PLIN3: variants seen among roughly 807,000 people sequenced by gnomAD.
PLIN3 encodes perilipin-3.
PLIN3 carries 30 observed loss-of-function variants against 35.9 expected under a neutral mutation model. The ratio of observed to expected loss-of-function variants is 0.84; its 90% confidence interval spans 0.62 to 1.13. The LOEUF (loss-of-function observed/expected upper bound fraction) is 1.13, where lower values mean the gene tolerates loss of function less well. Ranked by LOEUF, PLIN3 falls within the 50% of genes most tolerant of loss-of-function variation. The pLI is 0.00. For missense variants in PLIN3, 603 were observed against 596.9 expected, an observed-to-expected ratio of 1.01 and a Z score of -0.11; for synonymous variants, 261 against 262.5, an observed-to-expected ratio of 0.99 and a Z score of 0.06.
chr19:4,844,797 G>C lies in PLIN3; in HGVS notation c.835-4C>G. On this transcript the variant is annotated splice_region_variant and splice_polypyrimidine_tract_variant and intron_variant, in intron 6 of 7. Transcript: ENST00000221957. ...CGCCTTGCTTGACAGTTTCCATCTG[G>C]GGCAGGGGAGAGAGAAGTGAGGGAA... 6.3e-7 allele frequency: 1 copy of C among 1,591,714 alleles called. No individual in the cohort carries two copies. The highest frequency in any genetic ancestry group is 1.1e-5 in the South Asian group (1 of 87,776).
chr19:4,848,290 T>C (rs1033091336), intron 5 of PLIN3, among the ~76,000 whole-genome samples: 1 of 152,152 alleles, frequency 6.6e-6, no homozygotes, highest in Non-Finnish European at 1.5e-5. Flanking sequence ...GGCCATGCTG[T>C]CCAGTTTATA....
chr19:4,848,546 A>G (rs2030182550), intron 5 of PLIN3, among the ~76,000 whole-genome samples: 1 of 152,204 alleles, frequency 6.6e-6, no homozygotes, highest in African/African-American at 2.4e-5. Context: ...GCAATACATC[A>G]CATATACTAC....
intron 4 of PLIN3, 24 bp downstream of exon 4, chr19:4,859,566 G>A (rs969335904): frequency 3.1e-6 from 5 of 1,604,688 alleles, no homozygotes; most frequent in Middle Eastern, 1.7e-4. Context: ...TCTCGACAGA[G>A]CCCCTGAGGA....
At chr19:4,866,643 T>C (rs1045078494) in intron 1 of PLIN3, 8 of 152,232 alleles carry the variant, frequency 5.3e-5, no homozygotes, top group African/African-American at 1.9e-4. Context: ...CTCCCAGTGA[T>C]CATTGCCTAA....
intron 6 of PLIN3, among the ~76,000 whole-genome samples, chr19:4,845,804 G>A (rs909978891): frequency 6.6e-6 from 1 of 150,722 alleles, no homozygotes; most frequent in Non-Finnish European, 1.5e-5. Context: ...GGCGCCTGTA[G>A]TCCCAGCTAC....
chr19:4,838,712 GA>G lies in PLIN3; in HGVS notation c.*479del, dbSNP rs2093623948. ...TCTCTTGCCTCAGCCTCCTAACTGG[GA>G]TAACAGACACCTGCTACCATGCCCG... On this transcript the variant is annotated 3_prime_UTR_variant, in exon 8 of 8. Transcript: ENST00000221957. 6.6e-6 allele frequency: 1 copy of G among 151,692 alleles called. No individual in the cohort carries two copies. The highest frequency in any genetic ancestry group is 2.1e-4 in the South Asian group (1 of 4,814). 9.4% of individuals were successfully genotyped at this position (151,692 alleles called of 1,614,324 possible).
chr19:4,864,106 T>C (rs1021939506), intron 1 of PLIN3, among the ~76,000 whole-genome samples: 2 of 4,194 alleles, frequency 4.8e-4, no homozygotes, highest in Admixed American at 2.9e-3. Flanking sequence ...CTAGTGTGTG[T>C]GTGTGTGTGT....
intron 4 of PLIN3, 118 bp downstream of exon 4, chr19:4,859,472 G>C: frequency 1.2e-6 from 1 of 864,694 alleles, no homozygotes; most frequent in Non-Finnish European, 2.0e-6. Context: ...GATGGGAACC[G>C]ACAGGAGAGG....
chr19:4,865,763 G>T (rs1350998936), intron 1 of PLIN3, among the ~76,000 whole-genome samples: 4 of 132,652 alleles, frequency 3.0e-5, no homozygotes, highest in African/African-American at 5.7e-5. Context: ...TCGCCCTGTC[G>T]CCCACGCTGG....
intron 7 of PLIN3, among the ~76,000 whole-genome samples, chr19:4,842,292 G>A (rs1289189093): frequency 6.6e-6 from 1 of 151,928 alleles, no homozygotes; most frequent in East Asian, 1.9e-4. Flanking sequence ...AGCTGGGTGT[G>A]GTTGCAGGCG....
intron 1 of PLIN3, among the ~76,000 whole-genome samples, chr19:4,862,535 CAT>C (rs2030710602): frequency 6.6e-6 from 1 of 152,088 alleles, no homozygotes; most frequent in Admixed American, 6.6e-5. Flanking sequence ...AGTGAGCCAC[CAT>C]GCCCGGCCCT....
chr19:4,839,335 C>T lies in PLIN3; in HGVS notation c.1162G>A (p.Ala388Thr). The change falls in exon 8 of 8, where the codon GCC (alanine) becomes ACC (threonine). Residue 388 changes from alanine to threonine, a missense_variant. Physicochemically the swap from Ala to Thr is moderately conservative, Grantham distance 58. Transcript: ENST00000221957. Reference protein sequence around the residue: ...SFQDLSSSILAQSRERVASAR... With the variant: ...SFQDLSSSILTQSRERVASAR... ...CTGGCGACACGCTCACGGCTCTGGG[C>T]CAGAATGCTGCTGGACAGGTCCTGG... The T allele has an allele frequency of 6.2e-7, 1 of 1,613,958 alleles. No homozygotes were observed. The highest frequency in any genetic ancestry group is 8.5e-7 in the Non-Finnish European group (1 of 1,179,920).
At chr19:4,850,751 A>T (rs1244700753) in intron 5 of PLIN3, among the ~76,000 whole-genome samples, 1 of 151,324 alleles carries the variant, frequency 6.6e-6, no homozygotes, top group African/African-American at 2.4e-5. Flanking sequence ...TTGTATTTTT[A>T]GTAGAGACCG....
Position 4,847,766 on chromosome 19 carries a change from G to C in PLIN3, c.759C>G (p.His253Gln). The C allele has an allele frequency of 6.2e-7, 1 of 1,613,338 alleles. No homozygotes were observed. The change falls in exon 6 of 8, where the codon CAC (histidine) becomes CAG (glutamine). Residue 253 changes from histidine (H) to glutamine (Q), a missense_variant. Coordinates refer to ENST00000221957, the MANE Select transcript of PLIN3 (RefSeq NM_005817.5). The part of the protein sequence containing the change: ...SERLRQHAYE[H>Q]SLGKLRATKQ... ...TGGTGGCTCGAAGCTTGCCCAGCGAGTGCTCATAGGCGTGCTGCCGCAGCC... is the reference window on the plus strand; with the variant it reads ...TGGTGGCTCGAAGCTTGCCCAGCGACTGCTCATAGGCGTGCTGCCGCAGCC...
intron 4 of PLIN3, among the ~76,000 whole-genome samples, chr19:4,858,270 CAAAAA>C (rs1188330437): frequency 3.9e-5 from 2 of 51,244 alleles, no homozygotes; most frequent in African/African-American, 7.9e-5. Context: ...GACCCCGTCT[CAAAAA>C]AAAAAAAAAA....
At chr19:4,841,345 G>T (rs141379398) in intron 7 of PLIN3, among the ~76,000 whole-genome samples, 1 of 152,128 alleles carries the variant, frequency 6.6e-6, no homozygotes, top group African/African-American at 2.4e-5. Flanking sequence ...CACGCTCAGC[G>T]CGAGAAGCCG....
At chr19:4,840,946 AAAAC>A (rs1016733163) in intron 7 of PLIN3, among the ~76,000 whole-genome samples, 7 of 152,158 alleles carry the variant, frequency 4.6e-5, no homozygotes, top group South Asian at 2.1e-4. Flanking sequence ...CTCTGTCTCA[AAAAC>A]AAACAAACAA....
intron 7 of PLIN3, among the ~76,000 whole-genome samples, chr19:4,841,250 C>G (rs960077981): frequency 6.6e-6 from 1 of 152,112 alleles, no homozygotes; most frequent in African/African-American, 2.4e-5. Context: ...AGAATGTGAT[C>G]CACCCATACA....
At chr19:4,844,978 T>TA (rs1299060333) in intron 6 of PLIN3, among the ~76,000 whole-genome samples, 185 bp from the exon 7 acceptor site, 1 of 152,196 alleles carries the variant, frequency 6.6e-6, no homozygotes, top group African/African-American at 2.4e-5. Flanking sequence ...ATCATTGACA[T>TA]ACTCAGGCTC....
Sources: gnomAD v4.1 joint callset for allele counts (sites outside exome capture counted in the v4.1 genomes callset) on GRCh38, gnomAD v4.1.1 for gene constraint, MANE v1.5 for transcripts, NCBI Gene and HGNC (gene_info 2026-07-23, HGNC 2026-07-21) for gene names.